SMTN: variants seen among roughly 807,000 people sequenced by gnomAD.
The protein encoded by SMTN is smoothelin.
Under a neutral mutation model 102.0 loss-of-function variants are expected in SMTN, and 58 were observed. The observed-to-expected ratio is 0.57, with a 90% CI of 0.46 to 0.71. SMTN has a LOEUF of 0.71. Among genes scored for constraint, SMTN ranks in the 30% least tolerant of loss-of-function variants. The pLI is 0.00. For missense variants in SMTN, 1,185 were observed against 1,241.7 expected, an observed-to-expected ratio of 0.95 and a Z score of 0.69; for synonymous variants, 478 against 497.9, an observed-to-expected ratio of 0.96 and a Z score of 0.53.
rs761821614 is a variant in SMTN, at chr22:31,090,889, A to G, written c.937+10A>G. ...CCAGCCCAGAACCGAGGTACTACCT[A>G]TTCTCACCCTGCCTAGGATCTGTGC... On this transcript the variant is annotated intron_variant, in intron 9 of 20. Transcript: ENST00000333137. 1.2e-6 allele frequency: 2 copies of G among 1,613,680 alleles called. No homozygotes were observed. The highest frequency in any genetic ancestry group is 1.1e-5 in the South Asian group (1 of 91,068).
intron 11 of SMTN, among the ~76,000 whole-genome samples, chr22:31,094,262 T>A (rs1379118932): frequency 6.6e-6 from 1 of 152,224 alleles, no homozygotes; most frequent in Non-Finnish European, 1.5e-5. Flanking sequence ...GGAGATGCCC[T>A]GGGAGGGCTG....
Position 31,071,503 on chromosome 22 carries a change from T to G in SMTN, c.-386+7316T>G, listed in dbSNP as rs114095605. ...AATACATAAAATTAGTTGGGCATAG[T>G]GGCATGCACCGGCTGAGGTGGGAGG... On this transcript the variant is annotated intron_variant, in intron 1 of 3. Transcript: ENST00000422839. Among the ~76,000 whole-genome samples the G allele has an allele frequency of 7.2e-3, 1,094 of 151,420 alleles. 13 individuals are homozygous for G. The highest frequency in any genetic ancestry group is 0.025 in the African/African-American group (1,038 of 41,278).
rs1304301252 is a variant in SMTN, at chr22:31,083,322, A to ACTTACCCACT, written c.51+13_51+14insCTTACCCACT. 1 of 1,550,730 alleles carries ACTTACCCACT rather than the reference A, an allele frequency of 6.4e-7. No homozygotes were observed. Among genetic ancestry groups the ACTTACCCACT allele is most frequent in the Non-Finnish European group, 8.7e-7 (1 of 1,148,800 alleles). The stretch of plus-strand genomic sequence containing the variant: ...CCTTCGGAAGCTGGTAAGTGGCCCC[A>ACTTACCCACT]TCACCCACTGTGGGGACAGGAAAGC... On this transcript the variant is annotated intron_variant, in intron 2 of 20. Coordinates refer to ENST00000333137, the MANE Select transcript of SMTN (RefSeq NM_134269.3).
chr22:31,070,727 C>G (rs2041977070), intron 1 of SMTN, among the ~76,000 whole-genome samples: 1 of 151,818 alleles, frequency 6.6e-6, no homozygotes, highest in Admixed American at 6.6e-5. Flanking sequence ...GGTTCAAGAC[C>G]AGCCTGGCCA....
In SMTN at chr22:31,090,833, A is replaced by G; in HGVS notation, c.891A>G (p.Gln297=). 6.2e-7 allele frequency: 1 copy of G among 1,613,748 alleles called. No homozygotes were observed. The highest frequency in any genetic ancestry group is 1.1e-5 in the South Asian group (1 of 91,062). The change falls in exon 9 of 21, where the codon CAA becomes CAG. Residue 297 remains glutamine (Q), a synonymous_variant. Transcript: ENST00000333137. ...RADVAGPRPC[Q]RSLSVLSPRQ... is the part of the protein sequence containing the mutation. Reference sequence around the variant, plus strand: ...ACGTGGCTGGACCCCGACCCTGCCAACGCTCCCTGTCGGTGCTCAGCCCCC... The same window carrying G: ...ACGTGGCTGGACCCCGACCCTGCCAGCGCTCCCTGTCGGTGCTCAGCCCCC...
chr22:31,084,939 C>T, intron 2 of SMTN: 4 of 1,366,650 alleles, frequency 2.9e-6, no homozygotes, highest in Non-Finnish European at 3.8e-6. Flanking sequence ...GGGCTCCTCC[C>T]CGCGGGGCCG....
intron 2 of SMTN, among the ~76,000 whole-genome samples, chr22:31,086,418 GC>G (rs2042706760): frequency 6.6e-6 from 1 of 152,156 alleles, no homozygotes; most frequent in East Asian, 1.9e-4. Context: ...GTTTTTGTGG[GC>G]TTAGGACAAG....
At chr22:31,080,293 G>A (rs1283107728), upstream of SMTN, among the ~76,000 whole-genome samples, 1 of 152,188 alleles carries the variant, frequency 6.6e-6, no homozygotes, top group African/African-American at 2.4e-5. Flanking sequence ...GACTCAGAAG[G>A]TGCTGGGTAT....
rs577318371 is a variant in SMTN, at chr22:31,104,523, C to G, written c.*228C>G. Reference sequence around the variant, plus strand: ...GCTGCCGCCCCCACTCTCCGGGCACCGTCTCCTGCCTGTGCGTCCGCCCAC... The same window carrying G: ...GCTGCCGCCCCCACTCTCCGGGCACGGTCTCCTGCCTGTGCGTCCGCCCAC... On this transcript the variant is annotated 3_prime_UTR_variant, in exon 21 of 21. Coordinates refer to ENST00000333137, the MANE Select transcript of SMTN (RefSeq NM_134269.3). 2.7e-5 allele frequency: 42 copies of G among 1,579,526 alleles called. No homozygotes were observed. The highest frequency in any genetic ancestry group is 3.5e-5 in the Non-Finnish European group (41 of 1,159,394).
rs529880147 is a variant in SMTN, at chr22:31,083,206, C to T, written c.-53C>T. On this transcript the variant is annotated 5_prime_UTR_variant, in exon 2 of 21. Transcript: ENST00000333137. ...TTCTCTGAGCTGGTGACAGGTGCCA[C>T]AGGCACTGGGGATCTCACCAGAAAG... 33 of 1,586,670 alleles carry T rather than the reference C, an allele frequency of 2.1e-5. No individual in the cohort carries two copies. In the East Asian group the frequency reaches 6.6e-4, roughly 32 times the overall value.
intron 2 of SMTN, among the ~76,000 whole-genome samples, chr22:31,084,506 G>A (rs2042527835): frequency 6.6e-6 from 1 of 152,202 alleles, no homozygotes; most frequent in Non-Finnish European, 1.5e-5. Context: ...GCAGCCTGGA[G>A]GGGATGAGGT....
At chr22:31,070,323 A>G (rs1393271520) in intron 1 of SMTN, among the ~76,000 whole-genome samples, 1 of 152,166 alleles carries the variant, frequency 6.6e-6, no homozygotes, top group Admixed American at 6.5e-5. Context: ...CAGGCCCTGC[A>G]AATTGTGAAG....
intron 6 of SMTN, 49 bp downstream of exon 6, chr22:31,089,018 G>A (rs1224933359): frequency 3.5e-6 from 5 of 1,437,980 alleles, no homozygotes; most frequent in Non-Finnish European, 4.9e-6. Context: ...ATGGATACCG[G>A]TAGCACAGAG....
chr22:31,077,935 G>T (rs1285327217), upstream of SMTN, among the ~76,000 whole-genome samples: 2 of 152,166 alleles, frequency 1.3e-5, no homozygotes, highest in East Asian at 1.9e-4. Flanking sequence ...AAGGAGGAAG[G>T]TCATACCCCT....
chr22:31,066,499 G>A (rs1167103115), intron 1 of SMTN: 1 of 151,958 alleles, frequency 6.6e-6, no homozygotes, highest in Non-Finnish European at 1.5e-5. Context: ...GTAGAGATGG[G>A]GTTTCACTGT....
In SMTN at chr22:31,088,852, A is replaced by G; in HGVS notation, c.374-20A>G. 6.2e-7 allele frequency: 1 copy of G among 1,613,506 alleles called. No homozygotes were observed. ...AGCACCTCCCTGTCACTCACCTGCC[A>G]CTTGCTCCTTCCCTTCCAGCTGCCA... On this transcript the variant is annotated intron_variant, in intron 5 of 20. Transcript: ENST00000333137.
chr22:31,068,714 C>T (rs1317262852), intron 1 of SMTN, among the ~76,000 whole-genome samples: 9 of 152,130 alleles, frequency 5.9e-5, no homozygotes, highest in African/African-American at 2.2e-4. Context: ...CCGTGTTGAG[C>T]GAGACAAACC....
At chr22:31,092,428 T>C (rs2043206434) in intron 11 of SMTN, 2 of 470,078 alleles carry the variant, frequency 4.3e-6, no homozygotes, top group Non-Finnish European at 8.8e-6. Context: ...CCTTGGGAAC[T>C]GAATACGCAG....
intron 16 of SMTN, 137 bp from the exon 17 acceptor site, chr22:31,098,530 C>T: frequency 1.3e-6 from 1 of 783,228 alleles, no homozygotes; most frequent in Non-Finnish European, 2.0e-6. Flanking sequence ...GATGAGGACG[C>T]CTCCCTCCCT....
Sources: allele counts gnomAD v4.1 joint callset (sites outside exome capture counted in the v4.1 genomes callset), GRCh38; gene constraint gnomAD v4.1.1; transcripts MANE v1.5; gene names NCBI Gene and HGNC (gene_info 2026-07-23, HGNC 2026-07-21).